Variants in ANKFN1 observed in about 807,000 individuals in gnomAD.
The protein encoded by ANKFN1 is ankyrin repeat and fibronectin type-III domain-containing protein 1.
ANKFN1 carries 74 observed loss-of-function variants against 108.7 expected under a neutral mutation model. The ratio of observed to expected loss-of-function variants is 0.68; its 90% CI spans 0.56 to 0.83. The LOEUF (loss-of-function observed/expected upper bound fraction) is 0.83. Among genes scored for constraint, ANKFN1 ranks in the 40% least tolerant of loss-of-function variants. The probability of loss-of-function intolerance (pLI) is 0.00; values close to 1 mark genes in which losing one functional copy is unlikely to be tolerated. For synonymous variants in ANKFN1, 547 were observed against 516.2 expected (o/e 1.06, Z -0.81); for missense variants, 1,505 against 1,382.3 (o/e 1.09, Z -1.41).
At chr17:56,057,312 G>A (rs1367871737) in intron 4 of ANKFN1, among the ~76,000 whole-genome samples, 1 of 152,070 alleles carries the variant, frequency 6.6e-6, no homozygotes, top group East Asian at 1.9e-4. Flanking sequence ...CTTCCCCCAT[G>A]AATCACAAGT....
intron 4 of ANKFN1, among the ~76,000 whole-genome samples, chr17:56,065,123 A>G (rs1469665218): frequency 1.3e-5 from 2 of 152,082 alleles, no homozygotes; most frequent in Admixed American, 1.3e-4. Context: ...GTTCTTTTCA[A>G]TGGGAGCCTC....
At chr17:56,091,844 A>C (rs1286583187) in intron 4 of ANKFN1, among the ~76,000 whole-genome samples, 1 of 151,390 alleles carries the variant, frequency 6.6e-6, no homozygotes, top group Non-Finnish European at 1.5e-5. Flanking sequence ...AGTTGAATTG[A>C]TATGTAATCC....
intron 4 of ANKFN1, among the ~76,000 whole-genome samples, chr17:56,115,804 C>T (rs1906230360): frequency 2.0e-5 from 3 of 152,104 alleles, no homozygotes; most frequent in Admixed American, 1.3e-4. Context: ...GGCTAGAAGT[C>T]ACAGGACTCT....
intron 3 of ANKFN1, among the ~76,000 whole-genome samples, chr17:56,278,580 A>C (rs1486037511): frequency 1.3e-5 from 2 of 152,236 alleles, no homozygotes; most frequent in Non-Finnish European, 2.9e-5. Flanking sequence ...CAGTTCAAAA[A>C]AATTCCTATT....
At chr17:56,451,494 AT>A (rs2049485759) in intron 11 of ANKFN1, among the ~76,000 whole-genome samples, 1 of 152,200 alleles carries the variant, frequency 6.6e-6, no homozygotes, top group Admixed American at 6.5e-5. Flanking sequence ...ATTCAAATAC[AT>A]TGAAATACTA....
At chr17:56,092,767 G>C (rs1041785744) in intron 4 of ANKFN1, among the ~76,000 whole-genome samples, 1 of 150,920 alleles carries the variant, frequency 6.6e-6, no homozygotes, top group Non-Finnish European at 1.5e-5. Context: ...CTGCTTCCAA[G>C]CTCATTTTGT....
At chr17:56,419,398 G>C (rs982601294) in intron 8 of ANKFN1, among the ~76,000 whole-genome samples, 8 of 151,860 alleles carry the variant, frequency 5.3e-5, no homozygotes, top group Non-Finnish European at 1.2e-4. Context: ...TAGGAGAATT[G>C]CTTGAACCTG....
chr17:56,433,217 T>C (rs1183536000), intron 8 of ANKFN1, among the ~76,000 whole-genome samples: 11 of 152,236 alleles, frequency 7.2e-5, no homozygotes, highest in African/African-American at 2.6e-4. Flanking sequence ...TGCAGCCAAA[T>C]GGTGGCTGCA....
chr17:56,144,776 G>A (rs529153225), intron 4 of ANKFN1, among the ~76,000 whole-genome samples: 4 of 152,278 alleles, frequency 2.6e-5, no homozygotes, highest in South Asian at 2.1e-4. Flanking sequence ...ATGGACAGCC[G>A]AGGAGCATTG....
intron 11 of ANKFN1, among the ~76,000 whole-genome samples, chr17:56,456,151 T>C (rs1443345707): frequency 6.6e-6 from 1 of 152,222 alleles, no homozygotes; most frequent in Non-Finnish European, 1.5e-5. Context: ...CAGGGAATGC[T>C]TTACCAACAT....
intron 4 of ANKFN1, among the ~76,000 whole-genome samples, chr17:56,133,786 G>GT (rs11421223): frequency 0.16 from 24,529 of 148,820 alleles, 2,186 homozygotes; most frequent in East Asian, 0.28. Flanking sequence ...AATCCAAAGT[G>GT]TTTTTTTTTT....
chr17:56,468,606 A>G (rs1169626157), intron 15 of ANKFN1, among the ~76,000 whole-genome samples: 1 of 149,756 alleles, frequency 6.7e-6, no homozygotes, highest in Non-Finnish European at 1.5e-5. Context: ...CCGTCCTGGG[A>G]GCCATCTGTG....
At chr17:56,305,887 G>T (rs1186112640) in intron 3 of ANKFN1, among the ~76,000 whole-genome samples, 1 of 152,088 alleles carries the variant, frequency 6.6e-6, no homozygotes, top group African/African-American at 2.4e-5. Flanking sequence ...ATGTTCACTT[G>T]CACCAGCATC....
chr17:56,104,497 A>G (rs1289279322), intron 4 of ANKFN1, among the ~76,000 whole-genome samples: 1 of 152,208 alleles, frequency 6.6e-6, no homozygotes, highest in Non-Finnish European at 1.5e-5. Context: ...AGTTCAGCAC[A>G]CTTACTGCTG....
chr17:56,105,408 G>T (rs1024959972), intron 4 of ANKFN1, among the ~76,000 whole-genome samples: 1 of 151,958 alleles, frequency 6.6e-6, no homozygotes. Context: ...TGAAATACTC[G>T]GCTTTATGGA....
chr17:56,306,809 G>A (rs1353273242), intron 3 of ANKFN1, among the ~76,000 whole-genome samples: 2 of 152,116 alleles, frequency 1.3e-5, no homozygotes, highest in Non-Finnish European at 2.9e-5. Context: ...GAGGCATCAT[G>A]CTACCTGACT....
intron 8 of ANKFN1, among the ~76,000 whole-genome samples, chr17:56,400,726 G>T (rs989006716): frequency 5.3e-5 from 8 of 152,182 alleles, no homozygotes; most frequent in African/African-American, 7.2e-5. Context: ...TTAGGTCTTA[G>T]GTTTAAGTCC....
intron 8 of ANKFN1, among the ~76,000 whole-genome samples, chr17:56,419,263 C>T (rs1383381756): frequency 6.6e-6 from 1 of 152,022 alleles, no homozygotes; most frequent in Non-Finnish European, 1.5e-5. Flanking sequence ...GGGCAGATCA[C>T]CTGTGGTCTG....
chr17:56,365,791 C>A (rs1033943008), intron 6 of ANKFN1, among the ~76,000 whole-genome samples: 1 of 152,202 alleles, frequency 6.6e-6, no homozygotes, highest in Non-Finnish European at 1.5e-5. Flanking sequence ...ACCTACTGTG[C>A]TGCCAGTCAT....
Sources: allele counts gnomAD v4.1 joint callset (sites outside exome capture counted in the v4.1 genomes callset), GRCh38; gene constraint gnomAD v4.1.1; transcripts MANE v1.5; gene names NCBI Gene and HGNC (gene_info 2026-07-23, HGNC 2026-07-21).